The following CTNNA2 variants were observed in gnomAD, a reference collection of about 807,000 sequenced individuals.
CTNNA2 encodes the protein catenin alpha-2.
Under a neutral mutation model 101.0 loss-of-function variants are expected in CTNNA2, and 42 were observed. The observed-to-expected ratio is 0.42, with a 90% CI of 0.32 to 0.54. The LOEUF is 0.54. Ranked by LOEUF, CTNNA2 falls within the 20% of genes least tolerant of loss-of-function variation. The pLI, the probability that CTNNA2 is intolerant of heterozygous loss-of-function variation, is 0.14. For missense variants in CTNNA2, 871 were observed against 1,223.1 expected, an observed-to-expected ratio of 0.71 and a Z score of 4.29; for synonymous variants, 450 against 456.4, an observed-to-expected ratio of 0.99 and a Z score of 0.18.
At chr2:80,384,106 G>A (rs946384783) in intron 7 of CTNNA2, among the ~76,000 whole-genome samples, 6 of 152,120 alleles carry the variant, frequency 3.9e-5, no homozygotes, top group African/African-American at 1.4e-4. Flanking sequence ...ACAAATAGGA[G>A]CTAAATAACA....
intron 7 of CTNNA2, among the ~76,000 whole-genome samples, chr2:80,081,858 T>C (rs1336312907): frequency 6.6e-6 from 1 of 152,054 alleles, no homozygotes; most frequent in Admixed American, 6.6e-5. Context: ...TAGAAGCACT[T>C]TTATTAGCTG....
At position 80,260,061 on chromosome 2, in the gene CTNNA2, G is replaced by A. The variant is rs146632076; in HGVS notation, c.1057-133150G>A. Among the ~76,000 whole-genome samples, 43 of 152,272 alleles carry A rather than the reference G, an allele frequency of 2.8e-4. No homozygotes were observed. The East Asian group carries it at 7.5e-3, about 27-fold the overall frequency. On this transcript the variant is annotated intron_variant, in intron 7 of 18. Coordinates refer to ENST00000402739, the MANE Select transcript of CTNNA2 (RefSeq NM_001282597.3). Reference sequence around the variant, plus strand: ...CTTTTAATCGTCACAGTAATCCAATGAGCTTGGTACCATTATTACTCCATT... The same window carrying A: ...CTTTTAATCGTCACAGTAATCCAATAAGCTTGGTACCATTATTACTCCATT...
intron 1 of CTNNA2, among the ~76,000 whole-genome samples, chr2:79,572,769 A>G (rs1040321371): frequency 1.3e-5 from 2 of 152,186 alleles, no homozygotes; most frequent in African/African-American, 4.8e-5. Flanking sequence ...AAAAAATTAT[A>G]AGGCCAGTGT....
chr2:80,626,834 A>G (rs2149819101), intron 18 of CTNNA2, among the ~76,000 whole-genome samples: 1 of 152,070 alleles, frequency 6.6e-6, no homozygotes, highest in East Asian at 1.9e-4. Context: ...CATCTACTTT[A>G]GATATTTCTC....
chr2:79,675,139 C>A (rs114367259), intron 2 of CTNNA2, among the ~76,000 whole-genome samples: 2,611 of 152,124 alleles, frequency 0.017, 79 homozygotes, highest in African/African-American at 0.059. Context: ...GTGGGAATAC[C>A]ATAAATGTCA....
chr2:80,009,028 A>G (rs1490112596), intron 7 of CTNNA2, among the ~76,000 whole-genome samples: 1 of 152,160 alleles, frequency 6.6e-6, no homozygotes, highest in Admixed American at 6.5e-5. Context: ...CATACATACA[A>G]ACTATGGCAT....
intron 4 of CTNNA2, among the ~76,000 whole-genome samples, chr2:79,405,089 T>G (rs1447606420): frequency 6.6e-6 from 1 of 151,992 alleles, no homozygotes; most frequent in African/African-American, 2.4e-5. Context: ...CCTAATCACT[T>G]GACTTTAATC....
intron 9 of CTNNA2, among the ~76,000 whole-genome samples, chr2:80,491,638 G>A (rs1268529821): frequency 1.3e-5 from 2 of 152,186 alleles, no homozygotes; most frequent in African/African-American, 4.8e-5. Context: ...ATTTTATTGA[G>A]CAACTATGAG....
intron 6 of CTNNA2, 26 bp from the exon 7 acceptor site, chr2:79,909,568 T>C: frequency 1.5e-6 from 2 of 1,339,232 alleles, no homozygotes; most frequent in South Asian, 2.9e-5. Context: ...TGCTGATTTT[T>C]GTGTGTGTGT....
chr2:79,537,218 G>A (rs1039128634), intron 1 of CTNNA2, among the ~76,000 whole-genome samples: 10 of 152,094 alleles, frequency 6.6e-5, no homozygotes. Flanking sequence ...AGTCTGCCTT[G>A]TTATGTAATG....
At chr2:79,703,967 ATC>A (rs1477498568) in intron 2 of CTNNA2, among the ~76,000 whole-genome samples, 1 of 152,138 alleles carries the variant, frequency 6.6e-6, no homozygotes, top group African/African-American at 2.4e-5. Context: ...ATAAGTTTAT[ATC>A]TCTTTTATCT....
chr2:79,338,587 T>A (rs201024799), intron 3 of CTNNA2, among the ~76,000 whole-genome samples: 1 of 104,286 alleles, frequency 9.6e-6, no homozygotes, highest in East Asian at 4.0e-4. Context: ...CATCTTCTTC[T>A]TCTTCTTCTT....
At chr2:80,456,545 G>A (rs776516495) in intron 9 of CTNNA2, among the ~76,000 whole-genome samples, 4 of 152,172 alleles carry the variant, frequency 2.6e-5, no homozygotes, top group East Asian at 3.9e-4. Flanking sequence ...CAAAGATTAT[G>A]TCACCACCAT....
chr2:80,285,831 T>A (rs1236211913), intron 7 of CTNNA2, among the ~76,000 whole-genome samples: 1 of 152,230 alleles, frequency 6.6e-6, no homozygotes, highest in Non-Finnish European at 1.5e-5. Context: ...TAGACAGGCA[T>A]GACTTGTATG....
chr2:80,536,273 G>A (rs368084400), intron 9 of CTNNA2, among the ~76,000 whole-genome samples: 4 of 152,026 alleles, frequency 2.6e-5, no homozygotes, highest in African/African-American at 7.2e-5. Context: ...AATGTTTTGC[G>A]TGAAATCTGT....
At chr2:79,218,167 A>C (rs1242857117) in intron 2 of CTNNA2, among the ~76,000 whole-genome samples, 1 of 152,106 alleles carries the variant, frequency 6.6e-6, no homozygotes, top group Non-Finnish European at 1.5e-5. Flanking sequence ...AGCCAAGCCC[A>C]CCTCTCCCAC....
intron 3 of CTNNA2, among the ~76,000 whole-genome samples, chr2:79,766,763 C>CT (rs77703514): frequency 0.015 from 2,212 of 148,708 alleles, 16 homozygotes; most frequent in Middle Eastern, 0.024. Context: ...TTTCTTTTTT[C>CT]TTTTTTTTTT....
intron 7 of CTNNA2, among the ~76,000 whole-genome samples, chr2:80,126,903 G>A (rs1009814371): frequency 6.6e-6 from 1 of 152,164 alleles, no homozygotes; most frequent in East Asian, 1.9e-4. Flanking sequence ...ACAAGCTTAA[G>A]AAAACCACAT....
intron 7 of CTNNA2, among the ~76,000 whole-genome samples, chr2:80,206,033 T>A (rs1300531526): frequency 6.6e-6 from 1 of 152,252 alleles, no homozygotes; most frequent in East Asian, 1.9e-4. Context: ...AGCTTTCTTG[T>A]CATGGTAATC....
Sources: allele counts gnomAD v4.1 joint callset (sites outside exome capture counted in the v4.1 genomes callset), GRCh38; gene constraint gnomAD v4.1.1; transcripts MANE v1.5; gene names NCBI Gene and HGNC (gene_info 2026-07-23, HGNC 2026-07-21).